Variants in WRNIP1 observed in about 807,000 individuals in gnomAD.
WRNIP1 encodes ATPase WRNIP1.
WRNIP1 carries 41 observed loss-of-function variants against 56.1 expected under a neutral mutation model. The observed-to-expected ratio is 0.73, with a 90% CI of 0.57 to 0.95. The LOEUF is 0.95. Ranked by LOEUF, WRNIP1 falls within the 40% of genes least tolerant of loss-of-function variation. The probability of loss-of-function intolerance (pLI) is 0.00; values close to 1 mark genes in which losing one functional copy is unlikely to be tolerated. For missense variants in WRNIP1, 1,170 were observed against 939.4 expected (o/e 1.25, Z -3.21); for synonymous variants, 547 against 398.1 (o/e 1.37, Z -4.45).
intron 3 of WRNIP1, chr6:2,773,987 G>T (rs1028855605): frequency 9.1e-6 from 9 of 985,150 alleles, no homozygotes; most frequent in African/African-American, 5.2e-5. Flanking sequence ...TGACAAGCTG[G>T]CCCCCAAACA....
rs2113440634 is a variant in WRNIP1, at chr6:2,766,168, C to T, written c.546C>T (p.Gly182=). The T allele has an allele frequency of 3.7e-6, 5 of 1,340,152 alleles. No individual in the cohort carries two copies. Among genetic ancestry groups the T allele is most frequent in the Non-Finnish European group, 1.9e-6 (2 of 1,051,640 alleles). 83.0% of individuals were successfully genotyped at this position (1,340,152 alleles called of 1,614,324 possible). A position where few individuals can be genotyped will look rare whatever the true frequency, so the allele number is the denominator to read the frequency against. ...GDGDGDADAD[G]EDDPGHWDAD... ...GCGACGGGGACGCGGACGCGGACGG[C>T]GAGGACGACCCGGGGCACTGGGACG... The change falls in exon 1 of 7, where the codon GGC becomes GGT. Residue 182 remains glycine, a synonymous_variant. Coordinates refer to ENST00000380773, the MANE Select transcript of WRNIP1 (RefSeq NM_020135.3).
At position 2,766,413 on chromosome 6, in the gene WRNIP1, T is replaced by A; in HGVS notation, c.791T>A (p.Leu264His). ...CTGGAGACCAACGAAATCCCCTCGC[T>A]TATCCTGTGGGGGCCGCCGGGCTGC... ...SLLETNEIPS[L>H]ILWGPPGCGK... Residue 264 changes from leucine to histidine, a missense_variant, in exon 1 of 7, where the codon CTT becomes CAT. Physicochemically the swap from Leu to His is moderately conservative, Grantham distance 99. Coordinates refer to ENST00000380773, the MANE Select transcript of WRNIP1 (RefSeq NM_020135.3). The A allele has an allele frequency of 6.3e-7, 1 of 1,599,578 alleles. No homozygotes were observed. The highest frequency in any genetic ancestry group is 1.7e-5 in the Admixed American group (1 of 59,048).
At position 2,782,895 on chromosome 6, in the gene WRNIP1, G is replaced by A. The variant is rs187303444; in HGVS notation, c.1487-511G>A. ...GTCCCCACACCAAGGCTGGCAGAAGGAGGTTTAAATGACCACAGGCTTCGG... is the reference window on the plus strand; with the variant it reads ...GTCCCCACACCAAGGCTGGCAGAAGAAGGTTTAAATGACCACAGGCTTCGG... On this transcript the variant is annotated intron_variant, in intron 4 of 6. Transcript: ENST00000380773. Among the ~76,000 whole-genome samples the A allele has an allele frequency of 4.0e-3, 602 of 152,320 alleles. 5 individuals are homozygous for A. The highest frequency in any genetic ancestry group is 4.6e-3 in the Non-Finnish European group (310 of 68,026).
chr6:2,783,179 A>G (rs936204803), intron 4 of WRNIP1, among the ~76,000 whole-genome samples: 1 of 152,146 alleles, frequency 6.6e-6, no homozygotes, highest in Admixed American at 6.5e-5. Flanking sequence ...GTCGACAGCC[A>G]CAGGTTTCTG....
intron 2 of WRNIP1, 34 bp from the exon 3 acceptor site, chr6:2,770,086 G>A (rs772718402): frequency 2.5e-6 from 4 of 1,611,826 alleles, no homozygotes; most frequent in African/African-American, 1.3e-5. Context: ...CTGTTGACTG[G>A]AATCACTTTT....
chr6:2,770,291 C>G lies in WRNIP1; in HGVS notation c.1186C>G (p.Leu396Val), dbSNP rs770998177. 4 of 1,614,054 alleles carry G rather than the reference C, an allele frequency of 2.5e-6. No homozygotes were observed. In the South Asian group the frequency reaches 3.3e-5, roughly 13 times the overall value. The change falls in exon 3 of 7, where the codon CTG becomes GTG. Residue 396 changes from leucine to valine, a missense_variant. By Grantham distance (32) the Leu-to-Val change is conservative. Transcript: ENST00000380773. ...VTILMRAINS[L>V]GIHVLDSSRP... is the part of the protein sequence containing the mutation. The stretch of plus-strand genomic sequence containing the variant: ...TATTTTAATGCGAGCGATCAACTCC[C>G]TGGGAATCCACGTCCTAGACTCTAG...
At chr6:2,783,370 T>C in intron 4 of WRNIP1, 36 bp from the exon 5 acceptor site, 1 of 1,517,972 alleles carries the variant, frequency 6.6e-7, no homozygotes, top group Middle Eastern at 1.8e-4. Flanking sequence ...GCCCCTCCTG[T>C]GAGCTCTGTG....
intron 5 of WRNIP1, 73 bp downstream of exon 5, chr6:2,783,634 C>CTT (rs398000193): frequency 0.078 from 3,077 of 39,400 alleles, 818 homozygotes; most frequent in Middle Eastern, 0.14. Context: ...TACATCGTGG[C>CTT]TTTTTTTTTT....
chr6:2,768,665 A>C (rs62390266), intron 1 of WRNIP1, 26 bp from the exon 2 acceptor site: 29,839 of 1,562,204 alleles, frequency 0.019, 552 homozygotes, highest in South Asian at 0.071. Flanking sequence ...CAGCTTTTCA[A>C]ACTCCATGTA....
chr6:2,785,912 T>C lies in WRNIP1; in HGVS notation c.*630T>C, dbSNP rs1480351273. 4 of 153,274 alleles carry C rather than the reference T, an allele frequency of 2.6e-5. No homozygotes were observed. The highest frequency in any genetic ancestry group is 1.5e-5 in the Non-Finnish European group (1 of 68,562). 9.5% of individuals were successfully genotyped at this position (153,274 alleles called of 1,614,324 possible). A position where few individuals can be genotyped will look rare whatever the true frequency, so the allele number is the denominator to read the frequency against. Reference sequence around the variant, plus strand: ...CTTGTTGAAAGTTAACTCTGATCTCTTTAAAGGAATACATAAAGGAATTCT... The same window carrying C: ...CTTGTTGAAAGTTAACTCTGATCTCCTTAAAGGAATACATAAAGGAATTCT... On this transcript the variant is annotated 3_prime_UTR_variant, in exon 7 of 7. Transcript: ENST00000380773.
At position 2,766,198 on chromosome 6, in the gene WRNIP1, C is replaced by G. The variant is rs1361668605; in HGVS notation, c.576C>G (p.Asp192Glu). 3 of 1,407,112 alleles carry G rather than the reference C, an allele frequency of 2.1e-6. No homozygotes were observed. In the South Asian group the frequency reaches 4.7e-5, roughly 22 times the overall value. The allele number at this position is 1,407,112 out of a possible 1,614,324, so 87.2% of individuals were successfully genotyped here. ...ACGACCCGGGGCACTGGGACGCGGACGCTGCCGAAGCCGCCACCGCCTTCG... is the reference window on the plus strand; with the variant it reads ...ACGACCCGGGGCACTGGGACGCGGAGGCTGCCGAAGCCGCCACCGCCTTCG... ...GEDDPGHWDA[D>E]AAEAATAFGA... Residue 192 changes from aspartate to glutamate, a missense_variant, in exon 1 of 7, where the codon GAC (aspartate) becomes GAG (glutamate). Physicochemically the swap from Asp to Glu is conservative, Grantham distance 45. Transcript: ENST00000380773.
intron 1 of WRNIP1, among the ~76,000 whole-genome samples, chr6:2,768,347 A>T (rs1582166996): frequency 6.6e-6 from 1 of 152,150 alleles, no homozygotes; most frequent in South Asian, 2.1e-4. Context: ...CTTTGGTGAG[A>T]GGTCACAGCT....
rs760831955 is a variant in WRNIP1, at chr6:2,783,468, G to T, written c.1549G>T (p.Ala517Ser). The change falls in exon 5 of 7, where the codon GCC becomes TCC. Residue 517 changes from alanine to serine, a missense_variant. Physicochemically the swap from Ala to Ser is moderately conservative, Grantham distance 99. Coordinates refer to ENST00000380773, the MANE Select transcript of WRNIP1 (RefSeq NM_020135.3). ...GTCCATGCGGGGCTCAGACCAGAACGCCTCCCTCTACTGGCTGGCTCGCAT... is the reference window on the plus strand; with the variant it reads ...GTCCATGCGGGGCTCAGACCAGAACTCCTCCCTCTACTGGCTGGCTCGCAT... ...HKSMRGSDQN[A>S]SLYWLARMLE... 12 of 1,613,864 alleles carry T rather than the reference G, an allele frequency of 7.4e-6. No individual in the cohort carries two copies. The highest frequency in any genetic ancestry group is 1.0e-5 in the Non-Finnish European group (12 of 1,179,908).
In WRNIP1 at chr6:2,766,245, C is replaced by G. The variant is rs1213394184; in HGVS notation, c.623C>G (p.Pro208Arg). Reference protein sequence around the residue: ...TAFGASGGGRPHPRALAAEEI... With the variant: ...TAFGASGGGRRHPRALAAEEI... ...TTCGGGGCCAGTGGCGGGGGCCGCCCGCACCCCCGGGCGCTGGCTGCCGAG... is the reference window on the plus strand; with the variant it reads ...TTCGGGGCCAGTGGCGGGGGCCGCCGGCACCCCCGGGCGCTGGCTGCCGAG... Residue 208 changes from proline to arginine, a missense_variant, in exon 1 of 7, where the codon CCG (proline) becomes CGG (arginine). By Grantham distance (103) the Pro-to-Arg change is moderately radical. Transcript: ENST00000380773. The G allele has an allele frequency of 2.0e-6, 3 of 1,496,370 alleles. No individual in the cohort carries two copies. The highest frequency in any genetic ancestry group is 2.6e-5 in the East Asian group (1 of 37,980). 92.7% of individuals were successfully genotyped at this position (1,496,370 alleles called of 1,614,324 possible). A position where few individuals can be genotyped will look rare whatever the true frequency, so the allele number is the denominator to read the frequency against.
intron 3 of WRNIP1, among the ~76,000 whole-genome samples, chr6:2,772,621 A>G (rs565226784): frequency 3.0e-4 from 46 of 152,360 alleles, no homozygotes; most frequent in African/African-American, 1.1e-3. Flanking sequence ...GCAGAGTAAA[A>G]TGAAAGAATG....
At chr6:2,779,238 G>A (rs778047808) in intron 3 of WRNIP1, 25 bp from the exon 4 acceptor site, 15 of 1,610,282 alleles carry the variant, frequency 9.3e-6, no homozygotes, top group Middle Eastern at 1.7e-4. Flanking sequence ...GAGTGTGACC[G>A]TAACTAACCC....
intron 3 of WRNIP1, among the ~76,000 whole-genome samples, chr6:2,771,404 G>A (rs1275019552): frequency 2.0e-5 from 3 of 152,202 alleles, no homozygotes; most frequent in Non-Finnish European, 4.4e-5. Flanking sequence ...ATACCGTTGT[G>A]ATGGGGATAG....
intron 4 of WRNIP1, 115 bp downstream of exon 4, chr6:2,779,607 T>C: frequency 9.3e-7 from 1 of 1,072,194 alleles, no homozygotes; most frequent in Non-Finnish European, 1.3e-6. Flanking sequence ...GTCCAGAGCA[T>C]TCCAGTGATT....
intron 3 of WRNIP1, among the ~76,000 whole-genome samples, chr6:2,778,894 A>C (rs1765492882): frequency 6.6e-6 from 1 of 152,220 alleles, no homozygotes; most frequent in African/African-American, 2.4e-5. Context: ...TTTTCCATAC[A>C]CGGTAATGAG....
Sources: gnomAD v4.1 joint callset for allele counts (sites outside exome capture counted in the v4.1 genomes callset) on GRCh38, gnomAD v4.1.1 for gene constraint, MANE v1.5 for transcripts, NCBI Gene and HGNC (gene_info 2026-07-23, HGNC 2026-07-21) for gene names.